ERGIC1: variants seen among roughly 807,000 people sequenced by gnomAD.
ERGIC1 encodes the protein endoplasmic reticulum-golgi intermediate compartment 1, also known as endoplasmic reticulum-Golgi intermediate compartment protein 1.
ERGIC1 carries 19 observed loss-of-function variants against 38.3 expected under a neutral mutation model. That is an observed-to-expected ratio of 0.50 (90% confidence interval 0.35 to 0.73). The LOEUF (loss-of-function observed/expected upper bound fraction) is 0.73, where lower values mean the gene tolerates loss of function less well. Ranked by LOEUF, ERGIC1 falls within the 30% of genes least tolerant of loss-of-function variation. The probability of loss-of-function intolerance (pLI) is 0.01; values close to 1 mark genes in which losing one functional copy is unlikely to be tolerated. For synonymous variants in ERGIC1, 124 were observed against 157.6 expected (o/e 0.79, Z 1.60); for missense variants, 294 against 389.2 (o/e 0.76, Z 2.06).
intron 3 of ERGIC1, among the ~76,000 whole-genome samples, chr5:172,907,765 G>A (rs1379175980): frequency 6.6e-6 from 1 of 152,086 alleles, no homozygotes; most frequent in African/African-American, 2.4e-5. Context: ...TGGCCCTGTA[G>A]TCCCTGTCAT....
intron 3 of ERGIC1, among the ~76,000 whole-genome samples, chr5:172,908,050 T>C (rs962307630): frequency 6.6e-6 from 1 of 151,806 alleles, no homozygotes; most frequent in Non-Finnish European, 1.5e-5. Flanking sequence ...ATATGGCCGA[T>C]GCGGTCGACA....
chr5:172,845,931 G>T (rs2113525455), intron 1 of ERGIC1, among the ~76,000 whole-genome samples: 1 of 152,278 alleles, frequency 6.6e-6, no homozygotes, highest in Non-Finnish European at 1.5e-5. Flanking sequence ...GGTGGGGGCA[G>T]TTTCTCGGTC....
chr5:172,947,520 C>T (rs1196727723), intron 9 of ERGIC1, among the ~76,000 whole-genome samples: 1 of 152,134 alleles, frequency 6.6e-6, no homozygotes, highest in East Asian at 1.9e-4. Flanking sequence ...TGAGGATTTC[C>T]CCTCCCCTCA....
At chr5:172,922,307 G>C (rs1484578477) in intron 5 of ERGIC1, 1 of 152,302 alleles carries the variant, frequency 6.6e-6, no homozygotes, top group African/African-American at 2.4e-5. Context: ...AAAGGATTCA[G>C]TGTTGTTTGT....
chr5:172,928,720 T>G (rs1276948126), intron 7 of ERGIC1, among the ~76,000 whole-genome samples: 1 of 152,174 alleles, frequency 6.6e-6, no homozygotes, highest in Non-Finnish European at 1.5e-5. Context: ...GAAGAGCTCC[T>G]GCCAGATGGT....
intron 3 of ERGIC1, among the ~76,000 whole-genome samples, chr5:172,908,151 A>G (rs2113369209): frequency 6.6e-6 from 1 of 151,176 alleles, no homozygotes; most frequent in East Asian, 2.0e-4. Flanking sequence ...AACTTTGCAA[A>G]TGTGATTACA....
intron 1 of ERGIC1, among the ~76,000 whole-genome samples, chr5:172,864,989 C>T (rs966450044): frequency 6.6e-6 from 1 of 151,588 alleles, no homozygotes; most frequent in Non-Finnish European, 1.5e-5. Context: ...TTGCTCAACG[C>T]TCTTCCCAGA....
chr5:172,861,992 T>C (rs2113105963), intron 1 of ERGIC1, among the ~76,000 whole-genome samples: 1 of 151,740 alleles, frequency 6.6e-6, no homozygotes, highest in Admixed American at 6.6e-5. Flanking sequence ...ATTTTTTAAT[T>C]TTATTATTAT....
intron 1 of ERGIC1, chr5:172,867,586 C>G (rs184779560): frequency 7.3e-6 from 3 of 412,354 alleles, no homozygotes; most frequent in Non-Finnish European, 1.5e-5. Flanking sequence ...GAGTCCTAGC[C>G]GCCCCCTGTC....
chr5:172,914,254 A>ATAAAAAT (rs1554112478), intron 4 of ERGIC1, among the ~76,000 whole-genome samples: 27 of 131,328 alleles, frequency 2.1e-4, no homozygotes, highest in African/African-American at 3.8e-4. Flanking sequence ...AAAAAAAAAA[A>ATAAAAAT]AAATACAAAG....
At position 172,905,163 on chromosome 5, in the gene ERGIC1, C is replaced by T. The variant is rs1035831735; in HGVS notation, c.156-4504C>T. On this transcript the variant is annotated intron_variant, in intron 3 of 9. Coordinates refer to ENST00000393784, the MANE Select transcript of ERGIC1 (RefSeq NM_001031711.3). ...CATCCCACAATCCCTCAGTGCTGTGCGGAGGCCCAGCCTCGCCAGGTGGGA... is the reference window on the plus strand; with the variant it reads ...CATCCCACAATCCCTCAGTGCTGTGTGGAGGCCCAGCCTCGCCAGGTGGGA... The T allele has an allele frequency of 7.6e-5, 18 of 235,368 alleles. No homozygotes were observed. In the East Asian group the frequency reaches 9.7e-4, roughly 13 times the overall value. The allele number at this position is 235,368 out of a possible 1,614,324, so 14.6% of individuals were successfully genotyped here. A position where few individuals can be genotyped will look rare whatever the true frequency, so the allele number is the denominator to read the frequency against.
At chr5:172,893,014 TC>T (rs1255646311) in intron 2 of ERGIC1, among the ~76,000 whole-genome samples, 1 of 151,876 alleles carries the variant, frequency 6.6e-6, no homozygotes, top group Non-Finnish European at 1.5e-5. Context: ...TTCCATCCCA[TC>T]CCCCCAGCTC....
chr5:172,893,935 GTA>G (rs1554110408), intron 2 of ERGIC1, among the ~76,000 whole-genome samples: 57 of 42,822 alleles, frequency 1.3e-3, no homozygotes, highest in African/African-American at 3.7e-3. Context: ...GTGTGTGTGT[GTA>G]TATATATATA....
intron 1 of ERGIC1, among the ~76,000 whole-genome samples, chr5:172,835,479 T>TA (rs34772737): frequency 0.31 from 46,834 of 151,988 alleles, 9,083 homozygotes; most frequent in Non-Finnish European, 0.44. Flanking sequence ...GAAACACCCT[T>TA]AGCAGAGTCT....
At position 172,893,898 on chromosome 5, in the gene ERGIC1, T is replaced by TAC. The variant is rs371549185; in HGVS notation, c.83-3103_83-3102insCA. On this transcript the variant is annotated intron_variant, in intron 2 of 9. Coordinates refer to ENST00000393784, the MANE Select transcript of ERGIC1 (RefSeq NM_001031711.3). ...ATATATATATATATATATATATATA[T>TAC]ATATATATGTGTGTGTGTGTGTGTG... Among the ~76,000 whole-genome samples the TAC allele has an allele frequency of 8.4e-3, 321 of 38,198 alleles. 6 individuals carry two copies. Among genetic ancestry groups the TAC allele is most frequent in the African/African-American group, 0.021 (310 of 14,578 alleles). The allele number at this position is 38,198 out of a possible 152,430, so 25.1% of individuals were successfully genotyped here. A position where few individuals can be genotyped will look rare whatever the true frequency, so the allele number is the denominator to read the frequency against.
In ERGIC1 at chr5:172,834,374, C is replaced by T; in HGVS notation, c.-40C>T. ...GCTCGGACCCACGCGGCGCCGCGGC[C>T]CGCCTGGCCTGCAGCGCTCCCACCC... On this transcript the variant is annotated 5_prime_UTR_variant, in exon 1 of 10. Coordinates refer to ENST00000393784, the MANE Select transcript of ERGIC1 (RefSeq NM_001031711.3). This position sits in a 1 kb window ranked among gnomAD's most constrained non-coding sequence, Gnocchi z 4.1. 2 of 1,276,490 alleles carry T rather than the reference C, an allele frequency of 1.6e-6. No homozygotes were observed. Among genetic ancestry groups the T allele is most frequent in the Non-Finnish European group, 2.0e-6 (2 of 1,011,584 alleles). The allele number at this position is 1,276,490 out of a possible 1,614,324, so 79.1% of individuals were successfully genotyped here.
At chr5:172,844,978 G>C (rs792971) in intron 1 of ERGIC1, among the ~76,000 whole-genome samples, 147,277 of 152,234 alleles carry the variant, frequency 0.97, 71,408 homozygotes, top group East Asian at 1. Context: ...TTCCCTCAGT[G>C]CATCCTCAAG....
At chr5:172,876,051 T>C (rs1762134037) in intron 1 of ERGIC1, among the ~76,000 whole-genome samples, 1 of 152,226 alleles carries the variant, frequency 6.6e-6, no homozygotes, top group South Asian at 2.1e-4. Context: ...TACTGCTGTG[T>C]GCTTTGTATT....
chr5:172,859,915 TC>T (rs1452323872), intron 1 of ERGIC1, among the ~76,000 whole-genome samples: 1 of 152,254 alleles, frequency 6.6e-6, no homozygotes, highest in Non-Finnish European at 1.5e-5. Context: ...GTTCTATTTT[TC>T]CAACTGTTTC....
Sources: gnomAD v4.1 joint callset for allele counts (sites outside exome capture counted in the v4.1 genomes callset) on GRCh38, gnomAD v4.1.1 for gene constraint, Gnocchi (gnomAD v3.1) non-coding constraint, MANE v1.5 for transcripts, NCBI Gene and HGNC (gene_info 2026-07-23, HGNC 2026-07-21) for gene names.